Variants in OPRM1 observed in about 807,000 individuals in gnomAD.
The protein encoded by OPRM1 is mu-type opioid receptor.
OPRM1 carries 27 observed loss-of-function variants against 31.8 expected under a neutral mutation model. That is an observed-to-expected ratio of 0.85 (90% CI 0.63 to 1.17). The LOEUF (loss-of-function observed/expected upper bound fraction) is 1.17, where lower values mean the gene tolerates loss of function less well. OPRM1 is among the 50% of genes most tolerant of loss of function. The pLI, the probability that OPRM1 is intolerant of heterozygous loss-of-function variation, is 0.00. For synonymous variants in OPRM1, 196 were observed against 189.9 expected (o/e 1.03, Z -0.26); for missense variants, 536 against 511.1 (o/e 1.05, Z -0.47).
intron 1 of OPRM1, among the ~76,000 whole-genome samples, chr6:154,078,421 G>A (rs1168783072): frequency 6.6e-6 from 1 of 152,124 alleles, no homozygotes; most frequent in East Asian, 1.9e-4. Flanking sequence ...GAGTAAGCCT[G>A]TATTCCCAAG....
Position 154,130,751 on chromosome 6 carries a change from AAT to A in OPRM1, c.*12040_*12041del, listed in dbSNP as rs1026540652. Among the ~76,000 whole-genome samples the A allele has an allele frequency of 1.3e-5, 2 of 151,888 alleles. No individual in the cohort carries two copies. Among genetic ancestry groups the A allele is most frequent in the Non-Finnish European group, 2.9e-5 (2 of 67,960 alleles). ...CAATATAAATAGAATATATAAAGGGAATATATATATACCAATATAAATGGGAA... is the reference window on the plus strand; with the variant it reads ...CAATATAAATAGAATATATAAAGGGAATATATATACCAATATAAATGGGAA... On this transcript the variant is annotated 3_prime_UTR_variant, in exon 4 of 4. Transcript: ENST00000330432.
At chr6:154,082,101 G>T (rs1010779621) in intron 1 of OPRM1, among the ~76,000 whole-genome samples, 1 of 152,130 alleles carries the variant, frequency 6.6e-6, no homozygotes, top group African/African-American at 2.4e-5. Flanking sequence ...ATAGTGAACT[G>T]GCACAGCAAA....
intron 3 of OPRM1, among the ~76,000 whole-genome samples, chr6:154,216,546 GAA>G (rs1778409450): frequency 6.6e-6 from 1 of 152,168 alleles, no homozygotes; most frequent in African/African-American, 2.4e-5. Context: ...GGTATGCATA[GAA>G]AAGTGTCAGG....
At chr6:154,218,530 C>G (rs186171351) in intron 3 of OPRM1, among the ~76,000 whole-genome samples, 5 of 152,126 alleles carry the variant, frequency 3.3e-5, no homozygotes, top group African/African-American at 1.2e-4. Context: ...CTCCCTCCCC[C>G]ACACCTCTCA....
At chr6:154,086,802 T>C (rs1790687360) in intron 1 of OPRM1, 2 of 985,402 alleles carry the variant, frequency 2.0e-6, no homozygotes, top group East Asian at 1.1e-4. Flanking sequence ...CAATGAAGCA[T>C]GTCTTTAGAT....
chr6:154,114,874 A>G (rs1796702108), intron 3 of OPRM1, among the ~76,000 whole-genome samples: 1 of 150,580 alleles, frequency 6.6e-6, no homozygotes, highest in African/African-American at 2.5e-5. Flanking sequence ...TGGAATTCTA[A>G]TTAAAAAAAA....
At chr6:154,058,039 T>C (rs1783665538) in intron 1 of OPRM1, among the ~76,000 whole-genome samples, 1 of 152,192 alleles carries the variant, frequency 6.6e-6, no homozygotes. Flanking sequence ...CACAAAAGAC[T>C]TTGGTATATT....
chr6:154,136,408 T>C (rs1798060744), downstream of OPRM1, among the ~76,000 whole-genome samples: 1 of 152,218 alleles, frequency 6.6e-6, no homozygotes, highest in African/African-American at 2.4e-5. Context: ...GTGTGTATGA[T>C]ATTAGGCTAT....
intron 3 of OPRM1, among the ~76,000 whole-genome samples, chr6:154,206,132 C>T (rs1777475463): frequency 6.6e-6 from 1 of 152,130 alleles, no homozygotes; most frequent in Non-Finnish European, 1.5e-5. Flanking sequence ...AGCTGCCTGA[C>T]TAACTCAAAT....
At chr6:154,070,239 T>C (rs951526099) in intron 1 of OPRM1, among the ~76,000 whole-genome samples, 1 of 152,194 alleles carries the variant, frequency 6.6e-6, no homozygotes, top group Admixed American at 6.5e-5. Flanking sequence ...GTGTGGGAGA[T>C]AGAAAACTGT....
At chr6:154,192,306 G>T (rs1464948476) in intron 3 of OPRM1, among the ~76,000 whole-genome samples, 1 of 131,876 alleles carries the variant, frequency 7.6e-6, no homozygotes, top group Non-Finnish European at 1.7e-5. Context: ...CCAAATGGTG[G>T]CCACGTGGTT....
intron 1 of OPRM1, among the ~76,000 whole-genome samples, chr6:154,071,444 G>C (rs1393327091): frequency 6.6e-6 from 1 of 152,104 alleles, no homozygotes; most frequent in Non-Finnish European, 1.5e-5. Context: ...TCTAATTGCT[G>C]ATTTTTGTCA....
intron 3 of OPRM1, among the ~76,000 whole-genome samples, chr6:154,094,679 AAGAG>A (rs568836410): frequency 3.2e-4 from 49 of 152,172 alleles, no homozygotes; most frequent in African/African-American, 1.1e-3. Context: ...AAGAGAAAGA[AAGAG>A]AGAGAGAAAA....
At chr6:154,102,431 G>A (rs1583555771) in intron 3 of OPRM1, among the ~76,000 whole-genome samples, 1 of 152,228 alleles carries the variant, frequency 6.6e-6, no homozygotes, top group East Asian at 1.9e-4. Context: ...CATCCGGTGA[G>A]GCTTTACTAT....
chr6:154,228,757 C>T (rs1483557748), intron 3 of OPRM1, among the ~76,000 whole-genome samples: 2 of 152,194 alleles, frequency 1.3e-5, no homozygotes, highest in African/African-American at 4.8e-5. Context: ...TGTGGTGGCT[C>T]ATGCCTGTAA....
chr6:154,118,781 A>G lies in OPRM1; in HGVS notation c.*60A>G, dbSNP rs1004436544. Reference sequence around the variant, plus strand: ...TAGAAGCCACCATGTATGTGGAAGCAGGTTGCTTCAAGAATGTGTAGGAGG... The same window carrying G: ...TAGAAGCCACCATGTATGTGGAAGCGGGTTGCTTCAAGAATGTGTAGGAGG... On this transcript the variant is annotated 3_prime_UTR_variant, in exon 4 of 4. Transcript: ENST00000330432. The G allele has an allele frequency of 1.9e-6, 3 of 1,606,088 alleles. No homozygotes were observed. The African/African-American group carries it at 4.0e-5, about 21-fold the overall frequency.
chr6:154,062,107 A>G (rs1439530247), intron 1 of OPRM1, among the ~76,000 whole-genome samples: 1 of 152,134 alleles, frequency 6.6e-6, no homozygotes, highest in East Asian at 1.9e-4. Flanking sequence ...AGTGATTTAT[A>G]TTTTAGTTTT....
Position 154,039,556 on chromosome 6 carries a change from CG to C in OPRM1, c.13del (p.Ala5LeufsTer33). 3 of 1,611,234 alleles carry C rather than the reference CG, an allele frequency of 1.9e-6. No individual in the cohort carries two copies. The highest frequency in any genetic ancestry group is 1.7e-6 in the Non-Finnish European group (2 of 1,178,816). ...CGGCCGTCAGTACCATGGACAGCAG[CG>C]CTGCCCCCACGAACGCCAGCAATTG... The part of the protein sequence containing the change: MDSS[A>X]APTNASNCTD... On this transcript the variant is annotated frameshift_variant, in exon 1 of 4. Coordinates refer to ENST00000330432, the MANE Select transcript of OPRM1 (RefSeq NM_000914.5). LOFTEE classifies it high-confidence loss of function.
At position 154,123,453 on chromosome 6, in the gene OPRM1, A is replaced by G. The variant is rs1340126761; in HGVS notation, c.*4732A>G. On this transcript the variant is annotated 3_prime_UTR_variant, in exon 4 of 4. Coordinates refer to ENST00000330432, the MANE Select transcript of OPRM1 (RefSeq NM_000914.5). Reference sequence around the variant, plus strand: ...TGCCTGTAGCTATGATTTTTCAGGCAGCCTGCTTCTCCGAGGACTAGTCTT... The same window carrying G: ...TGCCTGTAGCTATGATTTTTCAGGCGGCCTGCTTCTCCGAGGACTAGTCTT... 6.6e-6 allele frequency among the ~76,000 whole-genome samples: 1 copy of G among 152,206 alleles called. No individual in the cohort carries two copies. Among genetic ancestry groups the G allele is most frequent in the Admixed American group, 6.5e-5 (1 of 15,268 alleles).
Sources: gnomAD v4.1 joint callset for allele counts (sites outside exome capture counted in the v4.1 genomes callset) on GRCh38, gnomAD v4.1.1 for gene constraint, MANE v1.5 for transcripts, NCBI Gene and HGNC (gene_info 2026-07-23, HGNC 2026-07-21) for gene names.